ZDHHC15: variants seen among roughly 807,000 people sequenced by gnomAD.
The protein encoded by ZDHHC15 is palmitoyltransferase ZDHHC15.
ZDHHC15 carries 19 observed loss-of-function variants against 31.7 expected under a neutral mutation model. That is an observed-to-expected ratio of 0.60 (90% CI 0.42 to 0.88). The LOEUF (loss-of-function observed/expected upper bound fraction) is 0.88. ZDHHC15 is among the 40% of genes least tolerant of loss of function. The pLI is 0.00. For missense variants in ZDHHC15, 209 were observed against 251.2 expected, an observed-to-expected ratio of 0.83 and a Z score of 1.14; for synonymous variants, 103 against 90.0, an observed-to-expected ratio of 1.14 and a Z score of -0.82.
intron 10 of ZDHHC15, among the ~76,000 whole-genome samples, chrX:75,395,739 T>C (rs1185678391): frequency 9.0e-6 from 1 of 111,105 alleles, no homozygotes; most frequent in Non-Finnish European, 1.9e-5. Flanking sequence ...GCCAAAGCTA[T>C]CCTGAGCAAA....
At chrX:75,411,502 G>A (rs1413833915) in intron 10 of ZDHHC15, among the ~76,000 whole-genome samples, 2 of 112,577 alleles carry the variant, frequency 1.8e-5, no homozygotes, top group African/African-American at 3.2e-5. Flanking sequence ...GCGAGCCACC[G>A]CGCCCAGCCT....
At chrX:75,440,512 C>G (rs1307101822) in intron 4 of ZDHHC15, among the ~76,000 whole-genome samples, 1 of 112,347 alleles carries the variant, frequency 8.9e-6, no homozygotes, top group Non-Finnish European at 1.9e-5. Flanking sequence ...ATCTCCTGAC[C>G]TCGTGATCTG....
intron 10 of ZDHHC15, among the ~76,000 whole-genome samples, chrX:75,413,680 AAAC>A (rs960003102): frequency 7.2e-5 from 8 of 110,518 alleles, no homozygotes; most frequent in African/African-American, 1.3e-4. Context: ...AAAAAAAAAC[AAAC>A]AACAACAACA....
At chrX:75,488,449 CT>C (rs949697519) in intron 2 of ZDHHC15, among the ~76,000 whole-genome samples, 1 of 112,040 alleles carries the variant, frequency 8.9e-6, no homozygotes, top group Non-Finnish European at 1.9e-5. Flanking sequence ...GAAATAAAGG[CT>C]TTTTCACAAA....
At chrX:75,499,892 C>T (rs1403184241) in intron 2 of ZDHHC15, among the ~76,000 whole-genome samples, 1 of 111,780 alleles carries the variant, frequency 8.9e-6, no homozygotes, top group Non-Finnish European at 1.9e-5. Context: ...AGCCCAAATG[C>T]TCATCAACCA....
intron 10 of ZDHHC15, among the ~76,000 whole-genome samples, chrX:75,411,908 A>T (rs2083489528): frequency 8.9e-6 from 1 of 112,265 alleles, no homozygotes; most frequent in African/African-American, 3.2e-5. Flanking sequence ...ATATATGAAG[A>T]ACTCATCCAA....
At chrX:75,408,935 G>T (rs967858768) in intron 10 of ZDHHC15, among the ~76,000 whole-genome samples, 1 of 111,904 alleles carries the variant, frequency 8.9e-6, no homozygotes, top group Admixed American at 9.4e-5. Flanking sequence ...GATGAAAAAG[G>T]TTAAAGAGGA....
At chrX:75,441,621 CTT>C (rs745335984) in intron 4 of ZDHHC15, among the ~76,000 whole-genome samples, 28 of 92,253 alleles carry the variant, frequency 3.0e-4, no homozygotes, top group East Asian at 6.8e-4. Flanking sequence ...TGTGGTAGTT[CTT>C]TTTTTTTTTT....
intron 10 of ZDHHC15, among the ~76,000 whole-genome samples, chrX:75,379,661 G>T (rs1485559619): frequency 8.9e-6 from 1 of 112,112 alleles, no homozygotes; most frequent in African/African-American, 3.2e-5. Context: ...ATCATTTATG[G>T]TACAAATGTT....
At chrX:75,451,280 T>C (rs2084113034) in intron 3 of ZDHHC15, among the ~76,000 whole-genome samples, 2 of 112,012 alleles carry the variant, frequency 1.8e-5, no homozygotes, top group Non-Finnish European at 3.8e-5. Context: ...TGCATACAGA[T>C]GTGTAACACA....
chrX:75,487,530 T>A (rs1243710912), intron 2 of ZDHHC15, among the ~76,000 whole-genome samples: 1 of 111,886 alleles, frequency 8.9e-6, no homozygotes, highest in Non-Finnish European at 1.9e-5. Context: ...AATCTGAAGA[T>A]CAGCCCTTGA....
Position 75,478,907 on chromosome X carries a change from T to A in ZDHHC15, c.242A>T (p.Gln81Leu), listed in dbSNP as rs745884874. The part of the protein sequence containing the change: ...TYWKSIFTLP[Q>L]QPNQKFHLSY... ...TATTCTTACCTTCTGGTTTGGCTGC[T>A]GTGGGAGTGTAAAGATAGACTTCCA... The change falls in exon 3 of 12, where the codon CAG (glutamine) becomes CTG (leucine). Residue 81 changes from glutamine to leucine, a missense_variant. Gln to Leu is a moderately radical substitution (Grantham distance 113). Transcript: ENST00000373367. The A allele has an allele frequency of 8.3e-7, 1 of 1,204,078 alleles. No individual in the cohort carries two copies. Among genetic ancestry groups the A allele is most frequent in the East Asian group, 3.0e-5 (1 of 33,721 alleles).
chrX:75,486,640 G>A (rs2084782201), intron 2 of ZDHHC15, among the ~76,000 whole-genome samples: 1 of 112,046 alleles, frequency 8.9e-6, no homozygotes, highest in Non-Finnish European at 1.9e-5. Flanking sequence ...GTGCAGTTGG[G>A]AGGTGGGGCA....
intron 3 of ZDHHC15, among the ~76,000 whole-genome samples, chrX:75,467,750 A>G (rs1448100876): frequency 8.9e-6 from 1 of 112,188 alleles, no homozygotes; most frequent in Non-Finnish European, 1.9e-5. Context: ...TTTAGGCAAA[A>G]TTCACATAAC....
chrX:75,381,484 C>G (rs929653318), intron 10 of ZDHHC15, among the ~76,000 whole-genome samples: 3 of 111,685 alleles, frequency 2.7e-5, no homozygotes, highest in African/African-American at 9.8e-5. Context: ...TCCATTGCAA[C>G]ACATGCACAG....
intron 4 of ZDHHC15, among the ~76,000 whole-genome samples, chrX:75,439,475 C>A (rs772595094): frequency 9.0e-6 from 1 of 111,454 alleles, no homozygotes; most frequent in South Asian, 3.7e-4. Flanking sequence ...TTTCCAGTTT[C>A]TTTTGCATTT....
At chrX:75,433,568 T>C (rs1331653386) in intron 4 of ZDHHC15, among the ~76,000 whole-genome samples, 4 of 110,374 alleles carry the variant, frequency 3.6e-5, no homozygotes, top group Non-Finnish European at 7.6e-5. Context: ...CATAGAATAA[T>C]GGTCTCCAAC....
chrX:75,457,919 C>T (rs184518375), intron 3 of ZDHHC15, among the ~76,000 whole-genome samples: 29 of 111,390 alleles, frequency 2.6e-4, no homozygotes, highest in African/African-American at 8.1e-4. Flanking sequence ...CATGCCATTT[C>T]ATGTAAGGAA....
In ZDHHC15 at chrX:75,370,101, T is replaced by C. The variant is rs2082992141; in HGVS notation, c.*2877A>G. The C allele has an allele frequency of 1.8e-5, 2 of 112,039 alleles. No homozygotes were observed. The highest frequency in any genetic ancestry group is 6.5e-5 in the African/African-American group (2 of 30,841). 9.2% of individuals were successfully genotyped at this position (112,039 alleles called of 1,213,427 possible). Reference sequence around the variant, plus strand: ...GACAAAAGAATGGAGTACATTATTTTGCTTAGAAATACTGTATGGTTAAGC... The same window carrying C: ...GACAAAAGAATGGAGTACATTATTTCGCTTAGAAATACTGTATGGTTAAGC... On this transcript the variant is annotated 3_prime_UTR_variant, in exon 12 of 12. Transcript: ENST00000373367.
Sources: gnomAD v4.1 joint callset for allele counts (sites outside exome capture counted in the v4.1 genomes callset) on GRCh38, gnomAD v4.1.1 for gene constraint, MANE v1.5 for transcripts, NCBI Gene and HGNC (gene_info 2026-07-23, HGNC 2026-07-21) for gene names.